The following RPS6KA6 variants were observed in gnomAD, a reference collection of about 807,000 sequenced individuals.
RPS6KA6 encodes the protein ribosomal protein S6 kinase alpha-6.
A neutral mutation model predicts 65.4 loss-of-function variants in RPS6KA6; 27 were observed. That is an observed-to-expected ratio of 0.41 (90% CI 0.30 to 0.57). The LOEUF (loss-of-function observed/expected upper bound fraction) is 0.57, where lower values mean the gene tolerates loss of function less well. RPS6KA6 is among the 20% of genes least tolerant of loss of function. RPS6KA6 has a pLI of 0.24. For missense variants in RPS6KA6, 486 were observed against 555.6 expected, an observed-to-expected ratio of 0.87 and a Z score of 1.26; for synonymous variants, 190 against 184.2, an observed-to-expected ratio of 1.03 and a Z score of -0.26.
rs184754241 is a variant in RPS6KA6 at position 84,163,378 on chromosome X, G to A, written c.141+950C>T. ...AACTCGGCCGGGCGCGGTGGCTCAC[G>A]CCTGTAATCCCAGCACTTTGGGAGG... On this transcript the variant is annotated intron_variant, in intron 2 of 21. Coordinates refer to ENST00000262752, the MANE Select transcript of RPS6KA6 (RefSeq NM_014496.5). Among the ~76,000 whole-genome samples the A allele has an allele frequency of 2.1e-3, 229 of 110,675 alleles. 1 individual carries two copies. Among genetic ancestry groups the A allele is most frequent in the African/African-American group, 7.1e-3 (215 of 30,455 alleles).
intron 20 of RPS6KA6, among the ~76,000 whole-genome samples, chrX:84,080,535 G>A (rs762195459): frequency 1.1e-5 from 1 of 93,836 alleles, no homozygotes; most frequent in East Asian, 3.6e-4. Flanking sequence ...AATAGTGGGA[G>A]ACTTTAACAC....
chrX:84,185,732 A>T (rs184739043), intron 1 of RPS6KA6, among the ~76,000 whole-genome samples: 106 of 112,068 alleles, frequency 9.5e-4, no homozygotes, highest in African/African-American at 3.2e-3. Context: ...ACATTTTAAA[A>T]ATATATATTC....
intron 20 of RPS6KA6, among the ~76,000 whole-genome samples, chrX:84,086,689 C>CA (rs1411342999): frequency 9.0e-6 from 1 of 110,874 alleles, no homozygotes; most frequent in Non-Finnish European, 1.9e-5. Flanking sequence ...CCTCTTGATA[C>CA]AAAAATCTTC....
intron 1 of RPS6KA6, among the ~76,000 whole-genome samples, chrX:84,179,339 TAA>T (rs1488289984): frequency 9.0e-6 from 1 of 111,394 alleles, no homozygotes; most frequent in Admixed American, 9.6e-5. Context: ...TTACCCAATA[TAA>T]GTGAAAAGTT....
intron 1 of RPS6KA6, among the ~76,000 whole-genome samples, chrX:84,169,694 A>G (rs745308093): frequency 7.1e-5 from 8 of 111,896 alleles, no homozygotes; most frequent in African/African-American, 2.6e-4. Context: ...GAAAGTAGAG[A>G]GATACACATT....
At chrX:84,156,582 A>G (rs1054626962) in intron 2 of RPS6KA6, among the ~76,000 whole-genome samples, 1 of 111,433 alleles carries the variant, frequency 9.0e-6, no homozygotes, top group Non-Finnish European at 1.9e-5. Flanking sequence ...ACGTGACCTC[A>G]AGAGCTTTTT....
intron 20 of RPS6KA6, among the ~76,000 whole-genome samples, chrX:84,083,660 T>C (rs1466058923): frequency 8.9e-6 from 1 of 112,478 alleles, no homozygotes; most frequent in Non-Finnish European, 1.9e-5. Flanking sequence ...TTTGCTATTA[T>C]AAATAGTGCT....
At chrX:84,103,627 AAAG>A (rs1217770978) in intron 17 of RPS6KA6, among the ~76,000 whole-genome samples, 2 of 111,364 alleles carry the variant, frequency 1.8e-5, no homozygotes, top group Non-Finnish European at 1.9e-5. Flanking sequence ...ATACAATAAT[AAAG>A]AAGAGACGCC....
intron 2 of RPS6KA6, among the ~76,000 whole-genome samples, chrX:84,159,041 T>G (rs1569239274): frequency 9.0e-6 from 1 of 111,475 alleles, no homozygotes; most frequent in Admixed American, 9.5e-5. Flanking sequence ...TACATACACA[T>G]ATGTGCATAC....
In RPS6KA6 at chrX:84,105,824, C is replaced by T. The variant is rs1250063029; in HGVS notation, c.1418G>A (p.Arg473His). ...DPSEEIEILM[R>H]YGQHPNIITL... ...AATAATGTTGGGATGTTGTCCATAG[C>T]GCATCAATATTTCAATCTCTTCTGA... Residue 473 changes from arginine to histidine, a missense_variant, in exon 16 of 22, where the codon CGC (arginine) becomes CAC (histidine). Arg to His is a conservative substitution (Grantham distance 29). Around this residue, in one of 3 missense-constraint regions of RPS6KA6, gnomAD observed 345 missense variants for 375.0 expected, o/e 0.92. Transcript: ENST00000262752. The T allele has an allele frequency of 3.4e-6, 4 of 1,179,044 alleles. No homozygotes were observed. Among genetic ancestry groups the T allele is most frequent in the Non-Finnish European group, 2.3e-6 (2 of 871,761 alleles).
At chrX:84,162,304 T>C (rs1424746362) in intron 2 of RPS6KA6, among the ~76,000 whole-genome samples, 1 of 111,157 alleles carries the variant, frequency 9.0e-6, no homozygotes, top group African/African-American at 3.3e-5. Context: ...TTTAAAAAAT[T>C]TAAGGGATAA....
chrX:84,090,595 G>A (rs187026765), intron 20 of RPS6KA6, among the ~76,000 whole-genome samples: 54 of 111,724 alleles, frequency 4.8e-4, no homozygotes, highest in Admixed American at 1.2e-3. Flanking sequence ...AAGGAGGAGC[G>A]CAAGCAAGGA....
intron 16 of RPS6KA6, 50 bp downstream of exon 16, chrX:84,105,737 A>G: frequency 1.4e-6 from 1 of 726,078 alleles, no homozygotes. Flanking sequence ...ATAAAGTTCC[A>G]ATTCATAACT....
intron 20 of RPS6KA6, among the ~76,000 whole-genome samples, chrX:84,066,643 G>A (rs1366318604): frequency 9.0e-6 from 1 of 111,281 alleles, no homozygotes; most frequent in Non-Finnish European, 1.9e-5. Flanking sequence ...CCATTTCCCT[G>A]GGACAGAGCA....
chrX:84,109,343 A>G (rs759982937), intron 12 of RPS6KA6, among the ~76,000 whole-genome samples: 15 of 110,839 alleles, frequency 1.4e-4, no homozygotes, highest in Non-Finnish European at 2.3e-4. Flanking sequence ...CTTCGACCAC[A>G]TAAGCATTCT....
At chrX:84,171,221 T>A (rs1005019909) in intron 1 of RPS6KA6, among the ~76,000 whole-genome samples, 3 of 111,386 alleles carry the variant, frequency 2.7e-5, no homozygotes, top group Non-Finnish European at 5.7e-5. Context: ...GACCCATGTG[T>A]TGATTACAGC....
Position 84,119,866 on chromosome X carries a change from A to G in RPS6KA6, c.789+19T>C. The G allele has an allele frequency of 8.9e-7, 1 of 1,125,688 alleles. No homozygotes were observed. The highest frequency in any genetic ancestry group is 2.4e-5 in the South Asian group (1 of 42,523). 92.8% of individuals were successfully genotyped at this position (1,125,688 alleles called of 1,213,427 possible). ...ATCAATCACAGGTTGGCATAATTAA[A>G]ACAAATAATGCTACTTACCATAAGA... On this transcript the variant is annotated intron_variant, in intron 9 of 21. Transcript: ENST00000262752.
intron 3 of RPS6KA6, among the ~76,000 whole-genome samples, chrX:84,149,069 T>C (rs942255750): frequency 2.7e-5 from 3 of 112,053 alleles, no homozygotes; most frequent in African/African-American, 9.7e-5. Flanking sequence ...ACAATGTTCA[T>C]AGCATCTTCA....
intron 1 of RPS6KA6, among the ~76,000 whole-genome samples, chrX:84,171,316 G>C (rs1157243412): frequency 9.0e-6 from 1 of 111,183 alleles, no homozygotes; most frequent in African/African-American, 3.3e-5. Flanking sequence ...AATGTGTCTT[G>C]GTTAAAGCTG....
Sources: gnomAD v4.1 joint callset for allele counts (sites outside exome capture counted in the v4.1 genomes callset) on GRCh38, gnomAD v4.1.1 for gene constraint, gnomAD v4.1.1 regional missense constraint, MANE v1.5 for transcripts, NCBI Gene and HGNC (gene_info 2026-07-23, HGNC 2026-07-21) for gene names.